The following SUCLG2 variants were observed in gnomAD, a reference collection of about 807,000 sequenced individuals.
SUCLG2 encodes the protein succinate--CoA ligase [GDP-forming] subunit beta, mitochondrial.
Under a neutral mutation model 47.9 loss-of-function variants are expected in SUCLG2, and 42 were observed. The observed-to-expected ratio is 0.88, with a 90% CI of 0.69 to 1.14. The LOEUF is 1.14. SUCLG2 is among the 50% of genes most tolerant of loss of function. The pLI is 0.00. For synonymous variants in SUCLG2, 195 were observed against 197.3 expected (o/e 0.99, Z 0.10); for missense variants, 571 against 525.9 (o/e 1.09, Z -0.84).
intron 9 of SUCLG2, among the ~76,000 whole-genome samples, chr3:67,433,986 A>G (rs1703553182): frequency 6.6e-6 from 1 of 152,194 alleles, no homozygotes; most frequent in South Asian, 2.1e-4. Context: ...TAATTGAGCC[A>G]TGAGGGCAAA....
At chr3:67,397,279 G>A (rs1463503664) in intron 10 of SUCLG2, among the ~76,000 whole-genome samples, 25 of 152,240 alleles carry the variant, frequency 1.6e-4, no homozygotes, top group South Asian at 4.2e-4. Context: ...AAACCCCATC[G>A]TCTCAGCCCA....
intron 4 of SUCLG2, 148 bp from the exon 5 acceptor site, chr3:67,520,782 G>C: frequency 1.2e-6 from 1 of 845,158 alleles, no homozygotes. Context: ...TGAGAGTTCT[G>C]CTCTCATGGT....
chr3:67,498,486 C>A (rs992938661), intron 7 of SUCLG2, among the ~76,000 whole-genome samples, 191 bp from the exon 8 acceptor site: 1 of 152,134 alleles, frequency 6.6e-6, no homozygotes, highest in Non-Finnish European at 1.5e-5. Flanking sequence ...TGTCAAGGGA[C>A]TTACGTTCTA....
chr3:67,572,311 A>C (rs1301133834), intron 2 of SUCLG2, among the ~76,000 whole-genome samples: 1 of 152,216 alleles, frequency 6.6e-6, no homozygotes. Flanking sequence ...ATGTTAATTC[A>C]TCATTCTTGG....
downstream of SUCLG2, among the ~76,000 whole-genome samples, chr3:67,371,812 A>T (rs998713093): frequency 6.6e-6 from 1 of 152,158 alleles, no homozygotes; most frequent in Admixed American, 6.5e-5. Flanking sequence ...GACTCAGAAG[A>T]CCAAGTTTCA....
At chr3:67,444,369 G>A (rs1313030619) in intron 9 of SUCLG2, among the ~76,000 whole-genome samples, 4 of 57,292 alleles carry the variant, frequency 7.0e-5, no homozygotes, top group East Asian at 7.5e-4. Flanking sequence ...CAGCCGCCCC[G>A]TCCGGGAGGG....
chr3:67,587,969 T>A (rs1056948582), intron 2 of SUCLG2, among the ~76,000 whole-genome samples: 1 of 152,138 alleles, frequency 6.6e-6, no homozygotes, highest in Non-Finnish European at 1.5e-5. Flanking sequence ...TTAAAATTAA[T>A]AAATTACCTG....
intron 1 of SUCLG2, among the ~76,000 whole-genome samples, chr3:67,620,512 G>A (rs1700715482): frequency 7.0e-6 from 1 of 142,688 alleles, no homozygotes; most frequent in Non-Finnish European, 1.5e-5. Flanking sequence ...TTGAACGCAG[G>A]AGGCAGAGGT....
In SUCLG2 at chr3:67,573,550, G is replaced by A. The variant is rs1707669553; in HGVS notation, c.226+35905C>T. Among the ~76,000 whole-genome samples, 3 of 152,038 alleles carry A rather than the reference G, an allele frequency of 2.0e-5. No individual in the cohort carries two copies. In the South Asian group the frequency reaches 6.2e-4, roughly 32 times the overall value. ...TTCTGTAGGTCAGAAACTCAACACT[G>A]GTCTCACCAGGCTAAAATCAAGGTA... On this transcript the variant is annotated intron_variant, in intron 2 of 10. Transcript: ENST00000307227.
intron 10 of SUCLG2, among the ~76,000 whole-genome samples, chr3:67,398,715 T>C (rs1702609924): frequency 1.3e-5 from 2 of 152,172 alleles, no homozygotes; most frequent in South Asian, 4.1e-4. Flanking sequence ...TAAGGACACA[T>C]GCACACATAT....
chr3:67,523,459 G>A (rs1706173048), intron 4 of SUCLG2, among the ~76,000 whole-genome samples: 1 of 152,166 alleles, frequency 6.6e-6, no homozygotes. Flanking sequence ...ATCAGTCAGT[G>A]CCTAATTCTC....
chr3:67,441,682 A>G (rs1325903077), intron 9 of SUCLG2, among the ~76,000 whole-genome samples: 1 of 152,226 alleles, frequency 6.6e-6, no homozygotes, highest in Non-Finnish European at 1.5e-5. Flanking sequence ...ACAGATAACT[A>G]ACATATACAG....
chr3:67,417,864 C>T (rs1001997125), intron 9 of SUCLG2, among the ~76,000 whole-genome samples: 7 of 152,146 alleles, frequency 4.6e-5, no homozygotes, highest in African/African-American at 1.7e-4. Flanking sequence ...TGCAAGGTGG[C>T]CCATTGCATC....
intron 10 of SUCLG2, among the ~76,000 whole-genome samples, chr3:67,393,753 GCCTAACTGCGAGGCAC>G (rs1451308413): frequency 6.6e-6 from 1 of 152,326 alleles, no homozygotes; most frequent in South Asian, 2.1e-4. Flanking sequence ...CCCCTGAGCA[GCCTAACTGCGAGGCAC>G]CCCAGCAGGG....
At chr3:67,371,736 T>G (rs1701957041), downstream of SUCLG2, among the ~76,000 whole-genome samples, 1 of 152,156 alleles carries the variant, frequency 6.6e-6, no homozygotes, top group African/African-American at 2.4e-5. Flanking sequence ...TTTCAAATGA[T>G]CATAAGTGGC....
intron 10 of SUCLG2, among the ~76,000 whole-genome samples, chr3:67,399,062 C>T (rs1047940779): frequency 2.7e-5 from 4 of 150,522 alleles, no homozygotes; most frequent in Non-Finnish European, 4.4e-5. Context: ...AGGAGATATA[C>T]CTAATGCTAA....
intron 4 of SUCLG2, among the ~76,000 whole-genome samples, chr3:67,522,975 T>C (rs1199338854): frequency 2.0e-5 from 3 of 152,036 alleles, no homozygotes; most frequent in Non-Finnish European, 4.4e-5. Flanking sequence ...AATTGTTTTG[T>C]ATTTTTAGTA....
chr3:67,590,173 T>C (rs1708122558), intron 2 of SUCLG2, among the ~76,000 whole-genome samples: 1 of 152,184 alleles, frequency 6.6e-6, no homozygotes, highest in African/African-American at 2.4e-5. Flanking sequence ...ATTCCTGTCC[T>C]GTCAACACCT....
chr3:67,432,402 G>A (rs958226353), intron 9 of SUCLG2, among the ~76,000 whole-genome samples: 1 of 152,174 alleles, frequency 6.6e-6, no homozygotes, highest in Admixed American at 6.5e-5. Flanking sequence ...AACAAGGTCT[G>A]ATTTGAAATA....
Sources: allele counts gnomAD v4.1 joint callset (sites outside exome capture counted in the v4.1 genomes callset), GRCh38; gene constraint gnomAD v4.1.1; transcripts MANE v1.5; gene names NCBI Gene and HGNC (gene_info 2026-07-23, HGNC 2026-07-21).